Variants in MYSM1 observed in about 807,000 individuals in gnomAD.
MYSM1 encodes deubiquitinase MYSM1.
Under a neutral mutation model 116.0 loss-of-function variants are expected in MYSM1, and 51 were observed. The ratio of observed to expected loss-of-function variants is 0.44; its 90% CI spans 0.35 to 0.56. MYSM1 has a LOEUF of 0.56. MYSM1 is among the 20% of genes least tolerant of loss of function. The pLI, the probability that MYSM1 is intolerant of heterozygous loss-of-function variation, is 0.00. For missense variants in MYSM1, 900 were observed against 974.9 expected, an observed-to-expected ratio of 0.92 and a Z score of 1.02; for synonymous variants, 313 against 315.2, an observed-to-expected ratio of 0.99 and a Z score of 0.07.
chr1:58,693,076 A>G (rs1202067219), intron 2 of MYSM1, 145 bp from the exon 3 acceptor site: 2 of 620,108 alleles, frequency 3.2e-6, no homozygotes, highest in African/African-American at 1.9e-5. Context: ...TGATTACCAC[A>G]GTAACATTGA....
intron 7 of MYSM1, 132 bp from the exon 8 acceptor site, chr1:58,682,677 G>A (rs1229346407): frequency 2.5e-6 from 2 of 789,294 alleles, no homozygotes; most frequent in Non-Finnish European, 3.6e-6. Context: ...TACCTCTAAT[G>A]CGCTTTTCTT....
At chr1:58,689,360 G>C in intron 5 of MYSM1, 1 of 392,188 alleles carries the variant, frequency 2.5e-6, no homozygotes, top group Non-Finnish European at 4.5e-6. Flanking sequence ...GTCTGAGTGA[G>C]GGTAACACTA....
intron 6 of MYSM1, among the ~76,000 whole-genome samples, chr1:58,687,727 A>C (rs984530653): frequency 2.0e-5 from 3 of 152,194 alleles, no homozygotes; most frequent in African/African-American, 7.2e-5. Context: ...ATCCCGCCGG[A>C]ACAAGGGCCA....
intron 13 of MYSM1, 49 bp downstream of exon 13, chr1:58,668,935 C>CG (rs1553135556): frequency 3.2e-5 from 46 of 1,415,638 alleles, no homozygotes; most frequent in East Asian, 7.0e-5. Flanking sequence ...TCCTGTTTGA[C>CG]GGGGAAGCGG....
intron 1 of MYSM1, chr1:58,699,736 T>C: frequency 1.0e-6 from 1 of 985,282 alleles, no homozygotes; most frequent in Non-Finnish European, 1.2e-6. Flanking sequence ...GTAGGCGAAA[T>C]CGGTGCCCTC....
chr1:58,689,544 AAAG>A (rs1339822067), intron 5 of MYSM1: 2 of 153,284 alleles, frequency 1.3e-5, no homozygotes, highest in African/African-American at 4.8e-5. Context: ...AATATTTAGA[AAAG>A]AAGTCAAAAA....
intron 11 of MYSM1, among the ~76,000 whole-genome samples, chr1:58,672,313 G>C (rs1644575514): frequency 6.6e-6 from 1 of 152,018 alleles, no homozygotes; most frequent in Non-Finnish European, 1.5e-5. Context: ...CTGAGAGACA[G>C]TGCAGAGTAA....
chr1:58,676,199 A>T (rs1569748801), intron 9 of MYSM1, among the ~76,000 whole-genome samples: 1 of 152,168 alleles, frequency 6.6e-6, no homozygotes, highest in African/African-American at 2.4e-5. Flanking sequence ...CGGGCAAATC[A>T]CGAGGTCAGG....
chr1:58,697,819 C>T (rs1017277991), intron 1 of MYSM1, among the ~76,000 whole-genome samples: 5 of 151,354 alleles, frequency 3.3e-5, no homozygotes, highest in Admixed American at 3.3e-4. Flanking sequence ...GAACTCCCAA[C>T]CTCAGGTGAT....
At chr1:58,673,540 T>G in intron 11 of MYSM1, 33 bp downstream of exon 11, 1 of 1,571,260 alleles carries the variant, frequency 6.4e-7, no homozygotes, top group South Asian at 1.1e-5. Context: ...AAACCAGTTT[T>G]CATGGATGAG....
intron 1 of MYSM1, among the ~76,000 whole-genome samples, chr1:58,698,822 T>C (rs1465164658): frequency 1.3e-5 from 2 of 152,232 alleles, no homozygotes; most frequent in South Asian, 2.1e-4. Context: ...TGAGGGACAA[T>C]GACCATATGA....
rs1407120454 is a variant in MYSM1 at position 58,658,520 on chromosome 1, C to G, written c.*1477G>C. 6.6e-6 allele frequency: 1 copy of G among 152,112 alleles called. No homozygotes were observed. The highest frequency in any genetic ancestry group is 1.5e-5 in the Non-Finnish European group (1 of 68,006). 9.4% of individuals were successfully genotyped at this position (152,112 alleles called of 1,614,324 possible). A position where few individuals can be genotyped will look rare whatever the true frequency, so the allele number is the denominator to read the frequency against. On this transcript the variant is annotated 3_prime_UTR_variant, in exon 20 of 20. Transcript: ENST00000472487. ...AAGTAAACTGTATCTCCCCAAATCA[C>G]AAAGTTGAGACAAGAACCAGGTCAC...
At chr1:58,681,495 T>C (rs1182892758) in intron 8 of MYSM1, among the ~76,000 whole-genome samples, 2 of 152,220 alleles carry the variant, frequency 1.3e-5, no homozygotes, top group Non-Finnish European at 2.9e-5. Flanking sequence ...CGTGCAGTGG[T>C]GTTCTCTCTA....
At chr1:58,697,864 C>T (rs1261861536) in intron 1 of MYSM1, among the ~76,000 whole-genome samples, 2 of 151,460 alleles carry the variant, frequency 1.3e-5, no homozygotes, top group Non-Finnish European at 2.9e-5. Flanking sequence ...GCTGGGATTA[C>T]AGGCATGAGC....
intron 5 of MYSM1, chr1:58,689,411 G>A (rs1644872657): frequency 3.8e-6 from 1 of 260,388 alleles, no homozygotes; most frequent in African/African-American, 2.3e-5. Flanking sequence ...AAACAAATAG[G>A]CTCCCTTAGA....
intron 12 of MYSM1, among the ~76,000 whole-genome samples, chr1:58,669,272 C>T (rs751237249): frequency 2.6e-5 from 4 of 151,882 alleles, no homozygotes; most frequent in African/African-American, 4.8e-5. Flanking sequence ...TCTTAATTTC[C>T]TTTAACACTC....
chr1:58,688,957 A>G, intron 6 of MYSM1, 81 bp downstream of exon 6: 1 of 1,256,010 alleles, frequency 8.0e-7, no homozygotes, highest in Non-Finnish European at 1.1e-6. Flanking sequence ...TCAGGTCTCT[A>G]TAAATTAATT....
At chr1:58,670,944 AT>A (rs1282819079) in intron 12 of MYSM1, among the ~76,000 whole-genome samples, 1 of 152,184 alleles carries the variant, frequency 6.6e-6, no homozygotes, top group Non-Finnish European at 1.5e-5. Context: ...CAGAAAATCA[AT>A]TATCTGGATA....
chr1:58,662,659 G>GAA (rs142606111), intron 17 of MYSM1, among the ~76,000 whole-genome samples: 1 of 143,962 alleles, frequency 6.9e-6, no homozygotes, highest in Non-Finnish European at 1.5e-5. Flanking sequence ...AGAAGGCATG[G>GAA]AAAAAAAAAA....
Sources: gnomAD v4.1 joint callset for allele counts (sites outside exome capture counted in the v4.1 genomes callset) on GRCh38, gnomAD v4.1.1 for gene constraint, MANE v1.5 for transcripts, NCBI Gene and HGNC (gene_info 2026-07-23, HGNC 2026-07-21) for gene names.